Variants in FANCC observed in about 807,000 individuals in gnomAD.
FANCC encodes Fanconi anemia group C protein.
A neutral mutation model predicts 71.3 loss-of-function variants in FANCC; 55 were observed. The observed-to-expected ratio is 0.77, with a 90% CI of 0.62 to 0.97. The LOEUF (loss-of-function observed/expected upper bound fraction) is 0.97, where lower values mean the gene tolerates loss of function less well. Ranked by LOEUF, FANCC falls within the 50% of genes least tolerant of loss-of-function variation. FANCC has a pLI of 0.00. For synonymous variants in FANCC, 275 were observed against 244.9 expected, an observed-to-expected ratio of 1.12 and a Z score of -1.15; for missense variants, 678 against 670.9, an observed-to-expected ratio of 1.01 and a Z score of -0.12.
intron 1 of FANCC, among the ~76,000 whole-genome samples, chr9:95,311,500 T>G (rs1256143069): frequency 6.6e-6 from 1 of 152,166 alleles, no homozygotes; most frequent in Non-Finnish European, 1.5e-5. Flanking sequence ...TCCATACCTT[T>G]GAACTGAACC....
At chr9:95,292,873 T>C in intron 1 of FANCC, 1 of 1,585,406 alleles carries the variant, frequency 6.3e-7, no homozygotes, top group Non-Finnish European at 8.7e-7. Context: ...GAATGGGACC[T>C]GAAAAGACTT....
chr9:95,268,437 G>A (rs1030288094), intron 1 of FANCC, among the ~76,000 whole-genome samples: 3 of 152,224 alleles, frequency 2.0e-5, no homozygotes, highest in East Asian at 3.8e-4. Context: ...GCATGAACTC[G>A]ATGGCTTTCA....
intron 1 of FANCC, among the ~76,000 whole-genome samples, chr9:95,284,905 A>AC (rs1833596136): frequency 7.5e-6 from 1 of 134,156 alleles, no homozygotes; most frequent in Non-Finnish European, 1.6e-5. Flanking sequence ...CACACACACA[A>AC]ACATACGCAT....
chr9:95,110,155 G>C (rs185387007), intron 13 of FANCC: 111 of 731,752 alleles, frequency 1.5e-4, no homozygotes, highest in Middle Eastern at 7.0e-4. Context: ...ACTACGCAAG[G>C]GTTTTATTTT....
At chr9:95,222,005 TG>T (rs1352274590) in intron 4 of FANCC, among the ~76,000 whole-genome samples, 1 of 151,668 alleles carries the variant, frequency 6.6e-6, no homozygotes, top group Non-Finnish European at 1.5e-5. Flanking sequence ...CCAAGGGAAA[TG>T]AAAATGTATG....
At chr9:95,138,242 T>C (rs998274166) in intron 7 of FANCC, among the ~76,000 whole-genome samples, 26 of 152,334 alleles carry the variant, frequency 1.7e-4, no homozygotes, top group Non-Finnish European at 1.5e-5. Context: ...CAGGACCACG[T>C]TGGCTCTGAG....
intron 1 of FANCC, among the ~76,000 whole-genome samples, chr9:95,308,231 T>C (rs1835175855): frequency 6.6e-6 from 1 of 152,094 alleles, no homozygotes; most frequent in Admixed American, 6.5e-5. Context: ...AAATTAAACA[T>C]CTTAGGCTTA....
At chr9:95,238,755 C>A (rs1166700220) in intron 4 of FANCC, among the ~76,000 whole-genome samples, 5 of 151,974 alleles carry the variant, frequency 3.3e-5, no homozygotes. Flanking sequence ...TTAGTAGAGA[C>A]AAGGTTTCAC....
intron 1 of FANCC, among the ~76,000 whole-genome samples, chr9:95,284,881 C>CACAA (rs1351301667): frequency 1.0e-5 from 1 of 98,360 alleles, no homozygotes; most frequent in African/African-American, 3.9e-5. Context: ...CACACATACA[C>CACAA]ACACACACAC....
chr9:95,228,786 G>A (rs969699953), intron 4 of FANCC, among the ~76,000 whole-genome samples: 5 of 151,994 alleles, frequency 3.3e-5, no homozygotes, highest in Non-Finnish European at 7.4e-5. Flanking sequence ...AGCAGTGAAG[G>A]CAGATGCTTA....
At chr9:95,104,349 G>A (rs1243685059) in intron 14 of FANCC, among the ~76,000 whole-genome samples, 2 of 152,218 alleles carry the variant, frequency 1.3e-5, no homozygotes, top group East Asian at 3.8e-4. Context: ...CAGTGCATGA[G>A]CGCCACACTG....
chr9:95,207,795 A>C (rs777019533), intron 4 of FANCC, among the ~76,000 whole-genome samples: 37 of 152,240 alleles, frequency 2.4e-4, no homozygotes, highest in Non-Finnish European at 5.0e-4. Context: ...GCCATAAAGC[A>C]GTTTGTTTAG....
At chr9:95,316,756 CAT>C (rs1835765537) in intron 1 of FANCC, 1 of 152,212 alleles carries the variant, frequency 6.6e-6, no homozygotes, top group Admixed American at 6.5e-5. Context: ...GCGCTGGACA[CAT>C]AAGATCATAG....
At chr9:95,240,078 A>T (rs1354628234) in intron 4 of FANCC, among the ~76,000 whole-genome samples, 2 of 152,256 alleles carry the variant, frequency 1.3e-5, no homozygotes, top group East Asian at 1.9e-4. Context: ...GCAGACAGGG[A>T]AATCTAGAAA....
chr9:95,167,327 T>A (rs999056039), intron 6 of FANCC, among the ~76,000 whole-genome samples: 2 of 152,246 alleles, frequency 1.3e-5, no homozygotes, highest in Non-Finnish European at 2.9e-5. Flanking sequence ...CTGCTGAGCT[T>A]CTGAAATTAG....
intron 7 of FANCC, among the ~76,000 whole-genome samples, chr9:95,138,661 A>G (rs1247707717): frequency 6.6e-6 from 1 of 152,176 alleles, no homozygotes; most frequent in Non-Finnish European, 1.5e-5. Context: ...TTCTGCCAGT[A>G]CCACATCCTG....
At chr9:95,123,457 T>C in intron 10 of FANCC, 1 of 460,996 alleles carries the variant, frequency 2.2e-6, no homozygotes, top group Non-Finnish European at 4.3e-6. Context: ...CCGGGCAACA[T>C]GGTGAAACCC....
At chr9:95,158,681 T>C (rs1026896380) in intron 6 of FANCC, among the ~76,000 whole-genome samples, 1 of 152,218 alleles carries the variant, frequency 6.6e-6, no homozygotes, top group Non-Finnish European at 1.5e-5. Context: ...TATGCAGTTA[T>C]GGGAACTGCT....
chr9:95,263,276 C>T (rs1041591970), intron 1 of FANCC, among the ~76,000 whole-genome samples: 5 of 151,980 alleles, frequency 3.3e-5, no homozygotes, highest in African/African-American at 1.2e-4. Flanking sequence ...ACCCAGCAGC[C>T]CTAAGCTCTC....
Sources: gnomAD v4.1 joint callset for allele counts (sites outside exome capture counted in the v4.1 genomes callset) on GRCh38, gnomAD v4.1.1 for gene constraint, MANE v1.5 for transcripts, NCBI Gene and HGNC (gene_info 2026-07-23, HGNC 2026-07-21) for gene names.